PIEZO2: variants seen among roughly 807,000 people sequenced by gnomAD.
PIEZO2 encodes the protein piezo-type mechanosensitive ion channel component 2.
In PIEZO2, 172 loss-of-function variants were observed where a neutral mutation model predicts 337.3. That is an observed-to-expected ratio of 0.51 (90% CI 0.45 to 0.58). The LOEUF is 0.58. Among genes scored for constraint, PIEZO2 ranks in the 20% least tolerant of loss-of-function variants. The pLI is 0.00. For missense variants in PIEZO2, 3,028 were observed against 3,391.3 expected, an observed-to-expected ratio of 0.89 and a Z score of 2.66; for synonymous variants, 1,251 against 1,228.5, an observed-to-expected ratio of 1.02 and a Z score of -0.38.
At chr18:11,144,179 G>T (rs897797408) in intron 1 of PIEZO2, among the ~76,000 whole-genome samples, 2 of 152,170 alleles carry the variant, frequency 1.3e-5, no homozygotes, top group Admixed American at 1.3e-4. Flanking sequence ...GCAACAGGAC[G>T]GACACATAGC....
chr18:10,686,774 G>T (rs1673133229), intron 49 of PIEZO2, among the ~76,000 whole-genome samples: 1 of 152,138 alleles, frequency 6.6e-6, no homozygotes, highest in African/African-American at 2.4e-5. Context: ...CTGGAGGTTG[G>T]GAAGGAGTTA....
chr18:10,714,834 G>C lies in PIEZO2; in HGVS notation c.5353C>G (p.Pro1785Ala). Residue 1785 changes from proline to alanine, a missense_variant, in exon 39 of 56, where the codon CCC becomes GCC. Transcript: ENST00000674853. The stretch of plus-strand genomic sequence containing the variant: ...GTCTGTGCACCTGAAGCAGCTCCGG[G>C]ATGCTCGTCAATGGTGTCCAGTCCC... Reference protein sequence around the residue: ...ESGLDTIDEHPGAASGAQTAH... With the variant: ...ESGLDTIDEHAGAASGAQTAH... 1 of 1,537,240 alleles carries C rather than the reference G, an allele frequency of 6.5e-7. No homozygotes were observed. The highest frequency in any genetic ancestry group is 8.7e-7 in the Non-Finnish European group (1 of 1,146,892).
At position 10,677,889 on chromosome 18, in the gene PIEZO2, A is replaced by G. The variant is rs540468688; in HGVS notation, c.7953-14T>C. 1.5e-5 allele frequency: 23 copies of G among 1,566,912 alleles called. No homozygotes were observed. Among genetic ancestry groups the G allele is most frequent in the Non-Finnish European group, 1.7e-5 (20 of 1,164,294 alleles). ...AGACTTAAGTTTCTGTGAAGAAAAA[A>G]AAAAAGCTTAATGTCAGTGATTATT... On this transcript the variant is annotated splice_polypyrimidine_tract_variant and intron_variant, in intron 52 of 55. Coordinates refer to ENST00000674853, the MANE Select transcript of PIEZO2 (RefSeq NM_001378183.1). The surrounding 1 kb of genome is among the most constrained non-coding windows in gnomAD (Gnocchi z 4.1).
rs2036553944 is a variant in PIEZO2, at chr18:10,726,601, TACGTGCGGGACGCCG to T, written c.5029+4791_5029+4805del. On this transcript the variant is annotated intron_variant, in intron 36 of 55. Coordinates refer to ENST00000674853, the MANE Select transcript of PIEZO2 (RefSeq NM_001378183.1). This position sits in a 1 kb window ranked among gnomAD's most constrained non-coding sequence, Gnocchi z 5.9. ...CCAGCTCTTCCAGGACCTGGCGCGC[TACGTGCGGGACGCCG>T]ACGTGCGCTGGGAGTACTGCGCGCG... 12 of 1,342,984 alleles carry T rather than the reference TACGTGCGGGACGCCG, an allele frequency of 8.9e-6. No homozygotes were observed. The highest frequency in any genetic ancestry group is 8.8e-6 in the Non-Finnish European group (9 of 1,019,696). 83.2% of individuals were successfully genotyped at this position (1,342,984 alleles called of 1,614,324 possible). A position where few individuals can be genotyped will look rare whatever the true frequency, so the allele number is the denominator to read the frequency against.
rs761403931 is a variant in PIEZO2, at chr18:10,677,748, C to A, written c.8080G>T (p.Val2694Leu). 1 of 1,608,514 alleles carries A rather than the reference C, an allele frequency of 6.2e-7. No individual in the cohort carries two copies. The highest frequency in any genetic ancestry group is 8.5e-7 in the Non-Finnish European group (1 of 1,178,772). The change falls in exon 53 of 56, where the codon GTG (valine) becomes TTG (leucine). Residue 2694 changes from valine (V) to leucine (L), a missense_variant and splice_region_variant. This residue lies in a region of PIEZO2 where 332 missense variants were observed against 363.8 expected (regional missense o/e 0.91). Transcript: ENST00000674853. This position sits in a 1 kb window ranked among gnomAD's most constrained non-coding sequence, Gnocchi z 4.1. ...GNSTESSKTP[V>L]TIEKIYPYYV... ...ATTAGTAGGAAAAAATACACTTACA[C>A]TGGTGTTTTTGAACTTTCTGTGCTG...
At chr18:10,705,848 GCCCCATTTTC>G in intron 40 of PIEZO2, 102 bp from the exon 41 acceptor site, 2 of 1,343,952 alleles carry the variant, frequency 1.5e-6, no homozygotes, top group Non-Finnish European at 2.0e-6. Context: ...CTAAGGAAAT[GCCCCATTTTC>G]CCCCCTGCAT....
intron 5 of PIEZO2, among the ~76,000 whole-genome samples, chr18:10,857,840 T>C (rs1176565512): frequency 2.0e-5 from 3 of 152,218 alleles, no homozygotes; most frequent in South Asian, 2.1e-4. Context: ...AGTAAACACA[T>C]GTACCAGAAC....
At chr18:10,692,954 A>G (rs1376262423) in intron 47 of PIEZO2, among the ~76,000 whole-genome samples, 1 of 152,148 alleles carries the variant, frequency 6.6e-6, no homozygotes, top group African/African-American at 2.4e-5. Context: ...CAATTTGGGG[A>G]GAAACTGCAT....
chr18:10,678,051 C>T (rs996103572), intron 52 of PIEZO2, among the ~76,000 whole-genome samples, 176 bp from the exon 53 acceptor site: 2 of 152,144 alleles, frequency 1.3e-5, no homozygotes, highest in East Asian at 1.9e-4. Flanking sequence ...CTTAGACAAT[C>T]GAGTTAATAG....
intron 3 of PIEZO2, among the ~76,000 whole-genome samples, chr18:10,947,601 A>G (rs2033091886): frequency 6.6e-6 from 1 of 152,198 alleles, no homozygotes; most frequent in Admixed American, 6.5e-5. Context: ...TCTCTCAAAA[A>G]AGAAAGTCCT....
At chr18:11,042,222 G>T (rs1415491377) in intron 2 of PIEZO2, among the ~76,000 whole-genome samples, 1 of 152,196 alleles carries the variant, frequency 6.6e-6, no homozygotes, top group Non-Finnish European at 1.5e-5. Flanking sequence ...TGACTTCTCA[G>T]AGGACAGACC....
In PIEZO2 at chr18:10,759,684, T is replaced by A; in HGVS notation, c.3655+21A>T. The A allele has an allele frequency of 6.5e-7, 1 of 1,537,030 alleles. No homozygotes were observed. The highest frequency in any genetic ancestry group is 8.7e-7 in the Non-Finnish European group (1 of 1,146,756). On this transcript the variant is annotated intron_variant, in intron 25 of 55. Transcript: ENST00000674853. This position sits in a 1 kb window ranked among gnomAD's most constrained non-coding sequence, Gnocchi z 5.5. The stretch of plus-strand genomic sequence containing the variant: ...ATGGCTTCTTCTAAAAGTAGACGGC[T>A]CAAGGGAAGGGCAGGCTCACCTCGG...
At chr18:10,687,413 C>T (rs1166158097) in intron 49 of PIEZO2, among the ~76,000 whole-genome samples, 3 of 152,056 alleles carry the variant, frequency 2.0e-5, no homozygotes, top group East Asian at 1.9e-4. Context: ...CCATCAGTTC[C>T]GTGATGGTGA....
At chr18:10,678,709 A>G (rs1412892180) in intron 52 of PIEZO2, among the ~76,000 whole-genome samples, 2 of 152,172 alleles carry the variant, frequency 1.3e-5, no homozygotes, top group African/African-American at 4.8e-5. Flanking sequence ...GGATGTGAGA[A>G]CTTCTGCTGA....
chr18:10,865,682 G>A (rs553176766), intron 5 of PIEZO2, among the ~76,000 whole-genome samples: 1 of 152,274 alleles, frequency 6.6e-6, no homozygotes, highest in African/African-American at 2.4e-5. Flanking sequence ...GCAATATGGG[G>A]AACCTATTTA....
Position 10,780,384 on chromosome 18 carries a change from G to A in PIEZO2, c.2493-18C>T. On this transcript the variant is annotated intron_variant, in intron 17 of 55. Transcript: ENST00000674853. ...TGGCATGGCTACGAGGTGGCAGACGGAAGCACAGGGATGCAATGAGGAGAC... is the reference window on the plus strand; with the variant it reads ...TGGCATGGCTACGAGGTGGCAGACGAAAGCACAGGGATGCAATGAGGAGAC... The A allele has an allele frequency of 1.4e-6, 1 of 702,916 alleles. No individual in the cohort carries two copies. Among genetic ancestry groups the A allele is most frequent in the East Asian group, 2.7e-5 (1 of 37,262 alleles). 43.5% of individuals were successfully genotyped at this position (702,916 alleles called of 1,614,324 possible).
intron 2 of PIEZO2, among the ~76,000 whole-genome samples, chr18:11,056,898 C>A (rs1471159632): frequency 2.0e-5 from 3 of 152,204 alleles, no homozygotes; most frequent in African/African-American, 7.2e-5. Flanking sequence ...CTGAAATTGT[C>A]CAGAGCCCTT....
intron 42 of PIEZO2, 93 bp downstream of exon 42, chr18:10,704,301 G>T (rs1332228614): frequency 2.1e-6 from 3 of 1,446,644 alleles, no homozygotes; most frequent in African/African-American, 1.4e-5. Context: ...GATCAGGGCA[G>T]GCCCGTCTCA....
Position 11,003,814 on chromosome 18 carries a change from G to C in PIEZO2, c.161-24154C>G, listed in dbSNP as rs1166502122. 6.6e-6 allele frequency among the ~76,000 whole-genome samples: 1 copy of C among 152,158 alleles called. No individual in the cohort carries two copies. The highest frequency in any genetic ancestry group is 2.4e-5 in the African/African-American group (1 of 41,438). On this transcript the variant is annotated intron_variant, in intron 2 of 55. Transcript: ENST00000674853. The surrounding 1 kb of genome is among the most constrained non-coding windows in gnomAD (Gnocchi z 4.6). Reference sequence around the variant, plus strand: ...GGGGAGAACAAGCAAACTCCACATGGGGGTGGACCTGGAAACAAAGTGATT... The same window carrying C: ...GGGGAGAACAAGCAAACTCCACATGCGGGTGGACCTGGAAACAAAGTGATT...
Sources: allele counts gnomAD v4.1 joint callset (sites outside exome capture counted in the v4.1 genomes callset), GRCh38; gene constraint gnomAD v4.1.1; regional missense constraint gnomAD v4.1.1; non-coding constraint Gnocchi (gnomAD v3.1); transcripts MANE v1.5; gene names NCBI Gene and HGNC (gene_info 2026-07-23, HGNC 2026-07-21).